FAM13B: variants seen among roughly 807,000 people sequenced by gnomAD.
FAM13B encodes the protein family with sequence similarity 13 member B.
Under a neutral mutation model 117.3 loss-of-function variants are expected in FAM13B, and 60 were observed. That is an observed-to-expected ratio of 0.51 (90% CI 0.42 to 0.63). The LOEUF (loss-of-function observed/expected upper bound fraction) is 0.63. Ranked by LOEUF, FAM13B falls within the 30% of genes least tolerant of loss-of-function variation. The pLI is 0.00. For synonymous variants in FAM13B, 332 were observed against 356.1 expected (o/e 0.93, Z 0.76); for missense variants, 972 against 1,091.9 (o/e 0.89, Z 1.55).
At chr5:138,008,769 T>A (rs1178169110) in intron 6 of FAM13B, among the ~76,000 whole-genome samples, 1 of 152,204 alleles carries the variant, frequency 6.6e-6, no homozygotes, top group Non-Finnish European at 1.5e-5. Context: ...GTATCCACCA[T>A]CCAAACTACC....
At chr5:137,969,275 G>A (rs1301091237) in intron 10 of FAM13B, among the ~76,000 whole-genome samples, 1 of 152,242 alleles carries the variant, frequency 6.6e-6, no homozygotes, top group Non-Finnish European at 1.5e-5. Context: ...AGAACGGGCA[G>A]ACTGCCTCCT....
chr5:137,979,645 A>G (rs966112713), intron 10 of FAM13B, among the ~76,000 whole-genome samples: 2 of 152,138 alleles, frequency 1.3e-5, no homozygotes, highest in African/African-American at 4.8e-5. Flanking sequence ...TTACCCTGTA[A>G]TCTTTACTTA....
chr5:138,019,304 T>C (rs922993454), intron 2 of FAM13B, among the ~76,000 whole-genome samples, 158 bp from the exon 3 acceptor site: 13 of 152,238 alleles, frequency 8.5e-5, no homozygotes, highest in African/African-American at 3.1e-4. Context: ...TGAAGTTCAG[T>C]ACAATTACCT....
intron 17 of FAM13B, among the ~76,000 whole-genome samples, chr5:137,949,873 G>A (rs968925527): frequency 6.6e-6 from 1 of 151,568 alleles, no homozygotes. Context: ...GGGGTGGGAA[G>A]ACCACATTGA....
intron 17 of FAM13B, among the ~76,000 whole-genome samples, chr5:137,952,380 CA>C (rs1460970282): frequency 4.6e-5 from 7 of 151,962 alleles, no homozygotes; most frequent in South Asian, 2.1e-4. Flanking sequence ...AGGTATCTTT[CA>C]AAAAGATATT....
intron 23 of FAM13B, among the ~76,000 whole-genome samples, chr5:137,941,534 A>C (rs1581031043): frequency 6.6e-6 from 1 of 152,340 alleles, no homozygotes; most frequent in East Asian, 1.9e-4. Flanking sequence ...GGAAACGGGC[A>C]ACCTCAACAC....
Position 137,970,712 on chromosome 5 carries a change from A to T in FAM13B, c.1180-8243T>A, listed in dbSNP as rs865984570. Among the ~76,000 whole-genome samples the T allele has an allele frequency of 2.4e-4, 36 of 152,292 alleles. 3 individuals are homozygous for T. The highest frequency in any genetic ancestry group is 8.2e-4 in the African/African-American group (34 of 41,550). ...CCCATCAGTGTGCTGTATTCAGGAA[A>T]CCCATCTCACGGGCAAAGACACACA... On this transcript the variant is annotated intron_variant, in intron 10 of 23. Coordinates refer to ENST00000689681, the MANE Select transcript of FAM13B (RefSeq NM_001385994.1).
intron 1 of FAM13B, among the ~76,000 whole-genome samples, chr5:138,023,873 T>C (rs935947957): frequency 2.0e-5 from 3 of 152,186 alleles, no homozygotes; most frequent in Non-Finnish European, 4.4e-5. Flanking sequence ...AAGTCTTATA[T>C]ACATTTTAGG....
intron 13 of FAM13B, among the ~76,000 whole-genome samples, chr5:137,957,021 T>G (rs1349502828): frequency 6.6e-6 from 1 of 152,242 alleles, no homozygotes; most frequent in Non-Finnish European, 1.5e-5. Context: ...GTGACAGTCA[T>G]GTGCTACCTG....
chr5:138,034,173 A>G (rs1033576503), upstream of FAM13B: 1 of 152,234 alleles, frequency 6.6e-6, no homozygotes, highest in Non-Finnish European at 1.5e-5. Context: ...AGAATGTTCT[A>G]TGAGGCTCCC....
At chr5:138,027,587 C>A (rs994686429) in intron 1 of FAM13B, among the ~76,000 whole-genome samples, 1 of 152,206 alleles carries the variant, frequency 6.6e-6, no homozygotes, top group African/African-American at 2.4e-5. Flanking sequence ...GTGGTTCCCT[C>A]CTGGCCTGAG....
At chr5:138,006,373 A>G (rs542707361) in intron 7 of FAM13B, among the ~76,000 whole-genome samples, 1 of 152,316 alleles carries the variant, frequency 6.6e-6, no homozygotes, top group Admixed American at 6.5e-5. Context: ...GAGTATGACA[A>G]TGTAAACTGG....
intron 10 of FAM13B, among the ~76,000 whole-genome samples, chr5:137,976,536 G>A (rs1774062335): frequency 6.6e-6 from 1 of 152,150 alleles, no homozygotes; most frequent in African/African-American, 2.4e-5. Flanking sequence ...CAGCCAGAAG[G>A]CCACTGTTGT....
chr5:137,944,968 G>A (rs1763048761), intron 20 of FAM13B, among the ~76,000 whole-genome samples: 1 of 150,838 alleles, frequency 6.6e-6, no homozygotes, highest in South Asian at 2.1e-4. Flanking sequence ...AGGGAGGGAG[G>A]GGGGCAAGGA....
chr5:137,959,546 T>C (rs1316518858), intron 13 of FAM13B, 70 bp downstream of exon 13: 114 of 1,519,824 alleles, frequency 7.5e-5, no homozygotes, highest in Non-Finnish European at 8.4e-5. Context: ...GCTGTAGTCT[T>C]ATCATTGCTT....
intron 10 of FAM13B, 63 bp downstream of exon 10, chr5:137,985,194 A>G (rs1374182058): frequency 2.3e-5 from 35 of 1,521,716 alleles, no homozygotes; most frequent in Non-Finnish European, 2.8e-5. Context: ...AACTTCTGGC[A>G]TCAAAGAAAC....
intron 11 of FAM13B, among the ~76,000 whole-genome samples, chr5:137,961,921 T>C: frequency 6.6e-6 from 1 of 152,196 alleles, no homozygotes; most frequent in East Asian, 1.9e-4. Flanking sequence ...AGTATTTCTC[T>C]ACCATTACAG....
At chr5:138,051,416 A>G (rs1291549386) in intron 1 of FAM13B, among the ~76,000 whole-genome samples, 1 of 152,258 alleles carries the variant, frequency 6.6e-6, no homozygotes, top group Non-Finnish European at 1.5e-5. Context: ...ATAAAAATAT[A>G]TGAGAATGAC....
intron 22 of FAM13B, chr5:137,942,602 A>T (rs1287922416): frequency 2.7e-6 from 1 of 366,090 alleles, no homozygotes; most frequent in East Asian, 5.9e-5. Flanking sequence ...GCCTCAAGGG[A>T]TCCTCCTGCC....
Sources: allele counts gnomAD v4.1 joint callset (sites outside exome capture counted in the v4.1 genomes callset), GRCh38; gene constraint gnomAD v4.1.1; transcripts MANE v1.5; gene names NCBI Gene and HGNC (gene_info 2026-07-23, HGNC 2026-07-21).